PARD3B: variants seen among roughly 807,000 people sequenced by gnomAD.
The protein encoded by PARD3B is par-3 family cell polarity regulator beta, also known as partitioning defective 3 homolog B.
Under a neutral mutation model 130.2 loss-of-function variants are expected in PARD3B, and 103 were observed. That is an observed-to-expected ratio of 0.79 (90% CI 0.67 to 0.93). The LOEUF is 0.93. Among genes scored for constraint, PARD3B ranks in the 40% least tolerant of loss-of-function variants. PARD3B has a pLI of 0.00. For missense variants in PARD3B, 1,609 were observed against 1,499.2 expected (o/e 1.07, Z -1.21); for synonymous variants, 583 against 553.2 (o/e 1.05, Z -0.76).
At chr2:204,720,518 T>C (rs2038942776) in intron 2 of PARD3B, among the ~76,000 whole-genome samples, 1 of 152,176 alleles carries the variant, frequency 6.6e-6, no homozygotes, top group African/African-American at 2.4e-5. Context: ...ACAATTTCCA[T>C]TGTAATATGA....
intron 2 of PARD3B, among the ~76,000 whole-genome samples, chr2:204,738,316 A>AT (rs545702977): frequency 6.6e-6 from 1 of 151,316 alleles, no homozygotes; most frequent in African/African-American, 2.4e-5. Flanking sequence ...TAGGTATTTT[A>AT]TTTTTTTTCC....
intron 16 of PARD3B, among the ~76,000 whole-genome samples, chr2:205,251,880 ATT>A (rs2039865359): frequency 6.6e-6 from 1 of 152,072 alleles, no homozygotes; most frequent in Non-Finnish European, 1.5e-5. Flanking sequence ...AGCTTTTGTC[ATT>A]TGTTTTGTTG....
chr2:204,624,924 A>G lies in PARD3B; in HGVS notation c.121-61257A>G, dbSNP rs1297615301. On this transcript the variant is annotated intron_variant, in intron 1 of 22. Transcript: ENST00000406610. ...ATTGTCACTATTTAATTCTTCGGTC[A>G]TTCTAATAATTGTGTAGTGATATCT... Among the ~76,000 whole-genome samples, 4 of 152,090 alleles carry G rather than the reference A, an allele frequency of 2.6e-5. No individual in the cohort carries two copies. The East Asian group carries it at 7.7e-4, about 29-fold the overall frequency.
intron 21 of PARD3B, among the ~76,000 whole-genome samples, chr2:205,543,862 A>G (rs1486262531): frequency 6.6e-6 from 1 of 152,152 alleles, no homozygotes; most frequent in Non-Finnish European, 1.5e-5. Flanking sequence ...TCTTTTTTCT[A>G]TGTTTGGTCT....
intron 18 of PARD3B, among the ~76,000 whole-genome samples, chr2:205,322,134 G>A (rs1055935587): frequency 9.2e-5 from 14 of 152,172 alleles, no homozygotes; most frequent in African/African-American, 3.4e-4. Flanking sequence ...ATCACCTTAG[G>A]ACTTTTTCTT....
At chr2:204,974,492 T>G (rs1365584184) in intron 3 of PARD3B, among the ~76,000 whole-genome samples, 1 of 152,244 alleles carries the variant, frequency 6.6e-6, no homozygotes. Flanking sequence ...TTTTTTATAC[T>G]ATTTGGCCTA....
At chr2:204,622,966 C>A (rs2193449) in intron 1 of PARD3B, among the ~76,000 whole-genome samples, 1 of 151,846 alleles carries the variant, frequency 6.6e-6, no homozygotes, top group Admixed American at 6.6e-5. Flanking sequence ...ATGTTTGATA[C>A]GTTCCCATTA....
chr2:205,057,878 T>TA (rs35436581), intron 4 of PARD3B, among the ~76,000 whole-genome samples: 51,821 of 150,664 alleles, frequency 0.34, 9,183 homozygotes, highest in South Asian at 0.53. Flanking sequence ...TATGGCTTTT[T>TA]AAAAAAAAGA....
intron 19 of PARD3B, among the ~76,000 whole-genome samples, chr2:205,436,559 T>G (rs2047523134): frequency 1.3e-5 from 2 of 152,148 alleles, no homozygotes; most frequent in South Asian, 4.1e-4. Context: ...AAATTTATAT[T>G]ATCTTCTACG....
intron 2 of PARD3B, among the ~76,000 whole-genome samples, chr2:204,776,942 G>T (rs1404333200): frequency 1.3e-5 from 2 of 152,052 alleles, no homozygotes; most frequent in South Asian, 4.1e-4. Context: ...ATGGAAAAGA[G>T]AAGTGAGTAG....
In PARD3B at chr2:205,309,013, T is replaced by C. The variant is rs996459839; in HGVS notation, c.2630+7312T>C. 6.6e-6 allele frequency among the ~76,000 whole-genome samples: 1 copy of C among 152,250 alleles called. No homozygotes were observed. The highest frequency in any genetic ancestry group is 2.4e-5 in the African/African-American group (1 of 41,468). On this transcript the variant is annotated intron_variant, in intron 18 of 22. Transcript: ENST00000406610. The surrounding 1 kb of genome is among the most constrained non-coding windows in gnomAD (Gnocchi z 4.7). ...TACACTGAATTTTCAGCAGATACGTTATCAGAATTTAGCACACTATGGTAC... is the reference window on the plus strand; with the variant it reads ...TACACTGAATTTTCAGCAGATACGTCATCAGAATTTAGCACACTATGGTAC...
chr2:205,286,477 C>T (rs1406795672), intron 16 of PARD3B, among the ~76,000 whole-genome samples: 1 of 152,144 alleles, frequency 6.6e-6, no homozygotes, highest in Non-Finnish European at 1.5e-5. Context: ...AATTCCAAGT[C>T]CCCACTGAAC....
chr2:205,078,576 T>G lies in PARD3B; in HGVS notation c.505-25850T>G, dbSNP rs1350234204. ...TTTTGCTTAAATTCATGTAATTTTT[T>G]TAATCCATAGGGTAAGTGTGGAGAT... On this transcript the variant is annotated intron_variant, in intron 4 of 22. Coordinates refer to ENST00000406610, the MANE Select transcript of PARD3B (RefSeq NM_001302769.2). This position sits in a 1 kb window ranked among gnomAD's most constrained non-coding sequence, Gnocchi z 4.0. Among the ~76,000 whole-genome samples the G allele has an allele frequency of 6.6e-6, 1 of 152,222 alleles. No homozygotes were observed. Among genetic ancestry groups the G allele is most frequent in the East Asian group, 1.9e-4 (1 of 5,198 alleles).
Position 205,568,809 on chromosome 2 carries a change from C to T in PARD3B, c.3260+15406C>T, listed in dbSNP as rs574714467. On this transcript the variant is annotated intron_variant, in intron 22 of 22. Transcript: ENST00000406610. This position sits in a 1 kb window ranked among gnomAD's most constrained non-coding sequence, Gnocchi z 5.3. The stretch of plus-strand genomic sequence containing the variant: ...TCAGGCCTTCATGCTAAGACACTAG[C>T]GCTGTATCTATGAAGCCTGTAAAAC... 3.3e-5 allele frequency among the ~76,000 whole-genome samples: 5 copies of T among 152,272 alleles called. No homozygotes were observed. Among genetic ancestry groups the T allele is most frequent in the East Asian group, 1.9e-4 (1 of 5,184 alleles).
chr2:205,331,730 C>T (rs1574722245), intron 18 of PARD3B, among the ~76,000 whole-genome samples: 1 of 123,506 alleles, frequency 8.1e-6, no homozygotes, highest in East Asian at 2.5e-4. Flanking sequence ...TTGCGGTGAG[C>T]CAAGAATGAG....
intron 5 of PARD3B, among the ~76,000 whole-genome samples, chr2:205,106,196 G>A (rs533384098): frequency 6.6e-6 from 1 of 152,090 alleles, no homozygotes; most frequent in East Asian, 1.9e-4. Flanking sequence ...TACCCAGGCT[G>A]GAGTGCAATG....
intron 20 of PARD3B, among the ~76,000 whole-genome samples, chr2:205,491,395 T>C (rs1358039328): frequency 6.6e-6 from 1 of 152,158 alleles, no homozygotes; most frequent in Non-Finnish European, 1.5e-5. Flanking sequence ...TTTTGTCAGG[T>C]TTGTGAAAGA....
intron 4 of PARD3B, among the ~76,000 whole-genome samples, chr2:205,101,556 A>G (rs1015574162): frequency 3.3e-5 from 5 of 152,218 alleles, no homozygotes; most frequent in Non-Finnish European, 5.9e-5. Context: ...CAGAAAGCAT[A>G]TGTTCACACA....
Position 205,567,316 on chromosome 2 carries a change from T to G in PARD3B, c.3260+13913T>G, listed in dbSNP as rs1324030199. On this transcript the variant is annotated intron_variant, in intron 22 of 22. Transcript: ENST00000406610. ...TAGAACATTCCTTGTTTTTTTTTTTTTTTTTTTTTTTTTTTTGAGATGGAG... is the reference window on the plus strand; with the variant it reads ...TAGAACATTCCTTGTTTTTTTTTTTGTTTTTTTTTTTTTTTTGAGATGGAG... Among the ~76,000 whole-genome samples the G allele has an allele frequency of 1.9e-4, 23 of 119,682 alleles. No individual in the cohort carries two copies. In the South Asian group the frequency reaches 7.3e-3, roughly 38 times the overall value. The allele number at this position is 119,682 out of a possible 152,430, so 78.5% of individuals were successfully genotyped here. A position where few individuals can be genotyped will look rare whatever the true frequency, so the allele number is the denominator to read the frequency against.
Sources: allele counts gnomAD v4.1 joint callset (sites outside exome capture counted in the v4.1 genomes callset), GRCh38; gene constraint gnomAD v4.1.1; non-coding constraint Gnocchi (gnomAD v3.1); transcripts MANE v1.5; gene names NCBI Gene and HGNC (gene_info 2026-07-23, HGNC 2026-07-21).